ST3GAL4: variants seen among roughly 807,000 people sequenced by gnomAD.
ST3GAL4 encodes the protein ST3 beta-galactoside alpha-2,3-sialyltransferase 4.
A neutral mutation model predicts 42.6 loss-of-function variants in ST3GAL4; 24 were observed. The observed-to-expected ratio is 0.56, with a 90% confidence interval of 0.41 to 0.79. ST3GAL4 has a LOEUF of 0.79. Ranked by LOEUF, ST3GAL4 falls within the 30% of genes least tolerant of loss-of-function variation. ST3GAL4 has a pLI of 0.00. For missense variants in ST3GAL4, 311 were observed against 430.8 expected (o/e 0.72, Z 2.46); for synonymous variants, 135 against 163.2 (o/e 0.83, Z 1.32).
rs137936807 is a variant in ST3GAL4, at chr11:126,358,256, G to A, written c.-61+2414G>A. Among the ~76,000 whole-genome samples the A allele has an allele frequency of 1.3e-4, 20 of 152,364 alleles. 1 individual carries two copies. The East Asian group carries it at 2.5e-3, about 19-fold the overall frequency. ...GCAACAGGCCCCTGCTGGTGGTTTAGCTCCCGCTCCGTGTTTCCCTCACGC... is the reference window on the plus strand; with the variant it reads ...GCAACAGGCCCCTGCTGGTGGTTTAACTCCCGCTCCGTGTTTCCCTCACGC... On this transcript the variant is annotated intron_variant, in intron 1 of 10. Coordinates refer to ENST00000444328, the MANE Select transcript of ST3GAL4 (RefSeq NM_001254757.2).
intron 1 of ST3GAL4, among the ~76,000 whole-genome samples, chr11:126,367,441 G>A (rs1591421299): frequency 6.6e-6 from 1 of 152,276 alleles, no homozygotes; most frequent in East Asian, 1.9e-4. Context: ...AGTGGCTGAG[G>A]ACCCCTCTCT....
chr11:126,377,392 A>G (rs556084228), intron 1 of ST3GAL4, among the ~76,000 whole-genome samples: 38 of 151,662 alleles, frequency 2.5e-4, no homozygotes, highest in Non-Finnish European at 1.0e-4. Context: ...GCTGGTCTTG[A>G]ACTCCTGACC....
At chr11:126,374,984 G>A (rs1952779576) in intron 1 of ST3GAL4, 1 of 152,086 alleles carries the variant, frequency 6.6e-6, no homozygotes, top group African/African-American at 2.4e-5. Flanking sequence ...GAATCGCTGT[G>A]GGTTGGCAGA....
chr11:126,388,783 T>TA (rs1953347479), intron 1 of ST3GAL4, among the ~76,000 whole-genome samples: 1 of 143,274 alleles, frequency 7.0e-6, no homozygotes, highest in South Asian at 2.3e-4. Context: ...TTTTTTTTTT[T>TA]TTTTTGAGAC....
intron 1 of ST3GAL4, among the ~76,000 whole-genome samples, chr11:126,377,451 G>A (rs1351203462): frequency 6.7e-6 from 1 of 148,516 alleles, no homozygotes; most frequent in African/African-American, 2.5e-5. Context: ...GATTACAGGT[G>A]TGAGCCACCG....
chr11:126,381,738 G>T (rs1481240935), intron 1 of ST3GAL4, among the ~76,000 whole-genome samples: 5 of 151,804 alleles, frequency 3.3e-5, no homozygotes, highest in Non-Finnish European at 7.4e-5. Context: ...CCTGTCTGGG[G>T]TGAGGTGAGG....
At chr11:126,369,587 A>C (rs1360364734) in intron 1 of ST3GAL4, among the ~76,000 whole-genome samples, 1 of 152,072 alleles carries the variant, frequency 6.6e-6, no homozygotes, top group Non-Finnish European at 1.5e-5. Context: ...CCAGTGGAAA[A>C]CCTGAGACCC....
chr11:126,403,514 C>T, intron 1 of ST3GAL4: 4 of 903,946 alleles, frequency 4.4e-6, no homozygotes, highest in African/African-American at 1.8e-5. Context: ...TTTACTATTC[C>T]CTATTCATGC....
chr11:126,390,772 C>T lies in ST3GAL4; in HGVS notation c.-60-15324C>T, dbSNP rs77952830. Among the ~76,000 whole-genome samples, 508 of 152,178 alleles carry T rather than the reference C, an allele frequency of 3.3e-3. 2 individuals carry two copies. Among genetic ancestry groups the T allele is most frequent in the African/African-American group, 0.012 (486 of 41,502 alleles). On this transcript the variant is annotated intron_variant, in intron 1 of 10. Coordinates refer to ENST00000444328, the MANE Select transcript of ST3GAL4 (RefSeq NM_001254757.2). ...AGAATGTGCTACCGTGCTACCATCC[C>T]ACCATCCATCTCCCGAACTCTCTTC... is the stretch of plus-strand genomic sequence containing the variant.
In ST3GAL4 at chr11:126,366,532, G is replaced by A. The variant is rs1204850094; in HGVS notation, c.-61+10690G>A. ...TTGCTTTCCTCACCCCGCTTCCCAC[G>A]TCTTCATTGAGTCCTCATCTGGGGG... On this transcript the variant is annotated intron_variant, in intron 1 of 10. Transcript: ENST00000444328. The surrounding 1 kb of genome is among the most constrained non-coding windows in gnomAD (Gnocchi z 4.2). Among the ~76,000 whole-genome samples the A allele has an allele frequency of 2.0e-5, 3 of 152,238 alleles. No individual in the cohort carries two copies. In the East Asian group the frequency reaches 5.8e-4, roughly 29 times the overall value.
At position 126,408,394 on chromosome 11, in the gene ST3GAL4, C is replaced by T. The variant is rs770629413; in HGVS notation, c.525C>T (p.Phe175=). 6.2e-6 allele frequency: 10 copies of T among 1,614,076 alleles called. No homozygotes were observed. The highest frequency in any genetic ancestry group is 3.3e-5 in the South Asian group (3 of 91,094). Residue 175 remains phenylalanine, a synonymous_variant, in exon 8 of 11, where the codon TTC becomes TTT. Coordinates refer to ENST00000444328, the MANE Select transcript of ST3GAL4 (RefSeq NM_001254757.2). ...MRLFYPESAH[F]DPKVENNPDT... is the part of the protein sequence containing the mutation. ...TCTTCTACCCTGAATCTGCCCACTT[C>T]GACCCCAAAGTAGAAAACAACCCAG...
rs530588311 is a variant in ST3GAL4, at chr11:126,386,273, C to T, written c.-60-19823C>T. Among the ~76,000 whole-genome samples, 5 of 152,132 alleles carry T rather than the reference C, an allele frequency of 3.3e-5. No individual in the cohort carries two copies. The highest frequency in any genetic ancestry group is 7.3e-5 in the Non-Finnish European group (5 of 68,028). The stretch of plus-strand genomic sequence containing the variant: ...GTCATCTCCACCATTTCCTGTTTGC[C>T]GTGTGTCTGTGCCCCCCAAGGATGA... On this transcript the variant is annotated intron_variant, in intron 1 of 10. Coordinates refer to ENST00000444328, the MANE Select transcript of ST3GAL4 (RefSeq NM_001254757.2). The surrounding 1 kb of genome is among the most constrained non-coding windows in gnomAD (Gnocchi z 4.7).
chr11:126,406,393 G>C lies in ST3GAL4; in HGVS notation c.17-80G>C, dbSNP rs1425099473. 3.1e-6 allele frequency: 5 copies of C among 1,608,128 alleles called. No individual in the cohort carries two copies. In the African/African-American group the frequency reaches 6.7e-5, roughly 21 times the overall value. On this transcript the variant is annotated intron_variant, in intron 2 of 10. Transcript: ENST00000444328. The surrounding 1 kb of genome is among the most constrained non-coding windows in gnomAD (Gnocchi z 5.4). ...TTGAGTTAGGGGTCGGAGGGACTCA[G>C]AAGGGGGCAGGTGGGAAGGTGGACG...
chr11:126,390,171 G>C (rs1480500567), intron 1 of ST3GAL4, among the ~76,000 whole-genome samples: 1 of 151,140 alleles, frequency 6.6e-6, no homozygotes, highest in Non-Finnish European at 1.5e-5. Context: ...GACAGAGCAA[G>C]ACTCTGTCTC....
intron 1 of ST3GAL4, among the ~76,000 whole-genome samples, chr11:126,390,648 T>C (rs2135480691): frequency 6.7e-6 from 1 of 149,186 alleles, no homozygotes; most frequent in East Asian, 1.9e-4. Context: ...ATTTCTTTGA[T>C]TGTTTTGGTG....
Position 126,411,906 on chromosome 11 carries a change from T to C in ST3GAL4, c.772-1599T>C, listed in dbSNP as rs112919646. 7.2e-5 allele frequency among the ~76,000 whole-genome samples: 11 copies of C among 152,290 alleles called. 1 individual carries two copies. Among genetic ancestry groups the C allele is most frequent in the African/African-American group, 2.4e-4 (10 of 41,556 alleles). Reference sequence around the variant, plus strand: ...AGCTCAGCAGGACAGCCTCTCCTTTTGTGTTCAACTGTGCCATATAAAGTA... The same window carrying C: ...AGCTCAGCAGGACAGCCTCTCCTTTCGTGTTCAACTGTGCCATATAAAGTA... On this transcript the variant is annotated intron_variant, in intron 9 of 10. Coordinates refer to ENST00000444328, the MANE Select transcript of ST3GAL4 (RefSeq NM_001254757.2). This position sits in a 1 kb window ranked among gnomAD's most constrained non-coding sequence, Gnocchi z 6.3.
rs147542488 is a variant in ST3GAL4 at position 126,410,823 on chromosome 11, C to G, written c.771+1412C>G. On this transcript the variant is annotated intron_variant, in intron 9 of 10. Transcript: ENST00000444328. This position sits in a 1 kb window ranked among gnomAD's most constrained non-coding sequence, Gnocchi z 5.3. Reference sequence around the variant, plus strand: ...AAATTCCACAATGGAGAGTTGTTCCCAATGCCGTGGAATCTCAGAGGAGGG... The same window carrying G: ...AAATTCCACAATGGAGAGTTGTTCCGAATGCCGTGGAATCTCAGAGGAGGG... Among the ~76,000 whole-genome samples the G allele has an allele frequency of 3.7e-4, 57 of 152,236 alleles. No homozygotes were observed. Among genetic ancestry groups the G allele is most frequent in the Non-Finnish European group, 7.6e-4 (52 of 68,020 alleles).
chr11:126,406,850 A>T lies in ST3GAL4; in HGVS notation c.102-93A>T. The stretch of plus-strand genomic sequence containing the variant: ...GATGATTCCTCCCCGGCACCTTGGG[A>T]CCTTCATGCCGTGGGAGAAGGCTTA... On this transcript the variant is annotated intron_variant, in intron 3 of 10. Transcript: ENST00000444328. The surrounding 1 kb of genome is among the most constrained non-coding windows in gnomAD (Gnocchi z 5.4). The T allele has an allele frequency of 1.7e-6, 2 of 1,187,438 alleles. No individual in the cohort carries two copies. Among genetic ancestry groups the T allele is most frequent in the Admixed American group, 3.7e-5 (2 of 53,374 alleles). The allele number at this position is 1,187,438 out of a possible 1,614,324, so 73.6% of individuals were successfully genotyped here.
intron 1 of ST3GAL4, among the ~76,000 whole-genome samples, chr11:126,388,483 A>G (rs189644600): frequency 9.2e-4 from 140 of 151,948 alleles, no homozygotes; most frequent in African/African-American, 3.3e-3. Context: ...GGCACCTGCC[A>G]CCATGCCTGG....
Sources: gnomAD v4.1 joint callset for allele counts (sites outside exome capture counted in the v4.1 genomes callset) on GRCh38, gnomAD v4.1.1 for gene constraint, Gnocchi (gnomAD v3.1) non-coding constraint, MANE v1.5 for transcripts, NCBI Gene and HGNC (gene_info 2026-07-23, HGNC 2026-07-21) for gene names.